Variants in NR2C1 observed in about 807,000 individuals in gnomAD.
NR2C1 encodes nuclear receptor subfamily 2 group C member 1, also known as TR2 nuclear hormone receptor.
Under a neutral mutation model 74.8 loss-of-function variants are expected in NR2C1, and 33 were observed. The ratio of observed to expected loss-of-function variants is 0.44; its 90% CI spans 0.33 to 0.59. The LOEUF (loss-of-function observed/expected upper bound fraction) is 0.59. NR2C1 is among the 20% of genes least tolerant of loss of function. The pLI, the probability that NR2C1 is intolerant of heterozygous loss-of-function variation, is 0.02. For missense variants in NR2C1, 568 were observed against 715.6 expected, an observed-to-expected ratio of 0.79 and a Z score of 2.35; for synonymous variants, 225 against 240.6, an observed-to-expected ratio of 0.94 and a Z score of 0.60.
intron 10 of NR2C1, among the ~76,000 whole-genome samples, chr12:95,037,962 A>C (rs942332994): frequency 4.0e-5 from 6 of 151,870 alleles, no homozygotes; most frequent in South Asian, 2.1e-4. Context: ...TTATTTCCAT[A>C]TAATAGAATT....
At chr12:95,053,288 T>A (rs1391369722) in intron 7 of NR2C1, among the ~76,000 whole-genome samples, 2 of 152,146 alleles carry the variant, frequency 1.3e-5, no homozygotes, top group Non-Finnish European at 2.9e-5. Context: ...TTCATTTTTT[T>A]AATGTTTGTT....
intron 12 of NR2C1, 53 bp from the exon 13 acceptor site, chr12:95,025,308 CAG>C (rs1254877004): frequency 1.2e-4 from 108 of 915,012 alleles, no homozygotes; most frequent in Non-Finnish European, 1.4e-4. Context: ...TCATTTAAGA[CAG>C]AGTGGATATG....
In NR2C1 at chr12:95,040,511, G is replaced by A; in HGVS notation, c.1218C>T (p.His406=). 6.2e-7 allele frequency: 1 copy of A among 1,613,864 alleles called. No individual in the cohort carries two copies. Among genetic ancestry groups the A allele is most frequent in the African/African-American group, 1.3e-5 (1 of 75,032 alleles). ...SASRLLFLSM[H]WALSIPSFQA... ...GGAAAGAAGGAATCGAAAGTGCCCA[G>A]TGCATTGATAAGAACAGCAGTCTGG... The change falls in exon 10 of 14, where the codon CAC becomes CAT. Residue 406 remains histidine (H), a synonymous_variant. Coordinates refer to ENST00000333003, the MANE Select transcript of NR2C1 (RefSeq NM_003297.4).
intron 1 of NR2C1, chr12:95,073,107 G>A (rs866055853): frequency 3.3e-5 from 5 of 152,446 alleles, no homozygotes; most frequent in Non-Finnish European, 7.3e-5. Flanking sequence ...AGGGGGTTGT[G>A]TGCTCCAAGC....
chr12:95,036,373 G>C (rs117805783), intron 10 of NR2C1, among the ~76,000 whole-genome samples: 1 of 151,388 alleles, frequency 6.6e-6, no homozygotes, highest in Non-Finnish European at 1.5e-5. Context: ...AGGAGTTCAA[G>C]ATCAGCCTGG....
At chr12:95,062,245 C>T (rs1008234411) in intron 3 of NR2C1, among the ~76,000 whole-genome samples, 5 of 152,114 alleles carry the variant, frequency 3.3e-5, no homozygotes, top group Non-Finnish European at 7.3e-5. Flanking sequence ...TCTCTGTATC[C>T]TTTATTAAAG....
chr12:95,072,297 CA>C (rs769410702), intron 1 of NR2C1, among the ~76,000 whole-genome samples: 143 of 121,414 alleles, frequency 1.2e-3, no homozygotes, highest in African/African-American at 5.4e-3. Flanking sequence ...AAAACAAAAA[CA>C]AAAAAACTAG....
At chr12:95,051,549 C>G (rs1351740028) in intron 8 of NR2C1, among the ~76,000 whole-genome samples, 1 of 152,128 alleles carries the variant, frequency 6.6e-6, no homozygotes, top group Non-Finnish European at 1.5e-5. Context: ...CTGCATGGTA[C>G]CCAGAGTAAT....
At chr12:95,031,575 A>G (rs757414959) in intron 10 of NR2C1, 87 bp from the exon 11 acceptor site, 37 of 958,336 alleles carry the variant, frequency 3.9e-5, no homozygotes, top group Non-Finnish European at 5.3e-5. Context: ...ACTTAAAAAC[A>G]GCATATTACT....
rs1694436110 is a variant in NR2C1 at position 95,022,167 on chromosome 12, C to T, written c.*62G>A. 7.5e-7 allele frequency: 1 copy of T among 1,331,158 alleles called. No homozygotes were observed. The highest frequency in any genetic ancestry group is 1.7e-5 in the South Asian group (1 of 58,846). 82.5% of individuals were successfully genotyped at this position (1,331,158 alleles called of 1,614,324 possible). ...CCAGATGCCTCAAAAGCAGTGAGTT[C>T]AATTTGGTGTCTTGTGTTCTGGCAA... On this transcript the variant is annotated 3_prime_UTR_variant, in exon 14 of 14. Transcript: ENST00000333003.
intron 9 of NR2C1, among the ~76,000 whole-genome samples, chr12:95,048,622 G>GCTTT (rs1432439180): frequency 1.5e-5 from 2 of 130,524 alleles, no homozygotes; most frequent in African/African-American, 2.8e-5. Flanking sequence ...ATGCAGATGA[G>GCTTT]TTTTTTTTTT....
intron 11 of NR2C1, chr12:95,030,989 G>A (rs552312998): frequency 1.2e-6 from 1 of 845,230 alleles, no homozygotes; most frequent in African/African-American, 1.7e-5. Flanking sequence ...GATTCAAAGG[G>A]CTATAATAAA....
intron 2 of NR2C1, among the ~76,000 whole-genome samples, chr12:95,064,223 G>T (rs942366280): frequency 3.3e-5 from 5 of 151,634 alleles, no homozygotes; most frequent in South Asian, 2.1e-4. Context: ...GAGCTATGTG[G>T]GAGGCTGAGG....
chr12:95,027,528 G>C (rs1592722086), intron 12 of NR2C1, among the ~76,000 whole-genome samples: 1 of 152,086 alleles, frequency 6.6e-6, no homozygotes, highest in Non-Finnish European at 1.5e-5. Flanking sequence ...CCTTAGGTCA[G>C]GAGTTCAACA....
rs775360442 is a variant in NR2C1, at chr12:95,051,889, C to T, written c.838G>A (p.Ala280Thr). The T allele has an allele frequency of 2.5e-6, 4 of 1,611,526 alleles. No homozygotes were observed. The highest frequency in any genetic ancestry group is 3.4e-6 in the Non-Finnish European group (4 of 1,179,458). ...STLANVVTSLANLGKTKDLSQ... is the reference protein window; with the variant it reads ...STLANVVTSLTNLGKTKDLSQ... ...AGATCTTTAGTTTTTCCAAGATTCG[C>T]TAATGATGTAACCACATTGGCCAAT... Residue 280 changes from alanine to threonine, a missense_variant, in exon 8 of 14, where the codon GCG becomes ACG. Transcript: ENST00000333003.
intron 2 of NR2C1, among the ~76,000 whole-genome samples, chr12:95,065,452 A>G (rs895918170): frequency 1.3e-5 from 2 of 152,110 alleles, no homozygotes; most frequent in Non-Finnish European, 2.9e-5. Flanking sequence ...CAACCCATTA[A>G]ATGTTAACAT....
chr12:95,050,669 T>C (rs1386108653), intron 8 of NR2C1, among the ~76,000 whole-genome samples: 2 of 151,532 alleles, frequency 1.3e-5, no homozygotes, highest in Admixed American at 6.6e-5. Flanking sequence ...TAGTTGCCGG[T>C]TGACTCAAAA....
chr12:95,059,316 T>A (rs1267209270), intron 4 of NR2C1, among the ~76,000 whole-genome samples: 32 of 111,908 alleles, frequency 2.9e-4, no homozygotes, highest in African/African-American at 6.7e-4. Flanking sequence ...AAAAAAAAAA[T>A]TTTTTTTTTA....
At chr12:95,029,433 A>G (rs1356683290) in intron 11 of NR2C1, among the ~76,000 whole-genome samples, 1 of 152,074 alleles carries the variant, frequency 6.6e-6, no homozygotes, top group East Asian at 1.9e-4. Context: ...TTATTTTCTC[A>G]TGGTAATTGC....
Sources: gnomAD v4.1 joint callset for allele counts (sites outside exome capture counted in the v4.1 genomes callset) on GRCh38, gnomAD v4.1.1 for gene constraint, MANE v1.5 for transcripts, NCBI Gene and HGNC (gene_info 2026-07-23, HGNC 2026-07-21) for gene names.